ACVR1: variants seen among roughly 807,000 people sequenced by gnomAD.
ACVR1 encodes the protein activin receptor type-1.
In ACVR1, 38 loss-of-function variants were observed where a neutral mutation model predicts 57.1. The ratio of observed to expected loss-of-function variants is 0.67; its 90% CI spans 0.51 to 0.87. ACVR1 has a LOEUF of 0.87. Among genes scored for constraint, ACVR1 ranks in the 40% least tolerant of loss-of-function variants. The pLI, the probability that ACVR1 is intolerant of heterozygous loss-of-function variation, is 0.00. For synonymous variants in ACVR1, 212 were observed against 228.1 expected, an observed-to-expected ratio of 0.93 and a Z score of 0.63; for missense variants, 463 against 638.2, an observed-to-expected ratio of 0.73 and a Z score of 2.96.
chr2:157,784,598 C>T (rs1373497440), intron 3 of ACVR1, among the ~76,000 whole-genome samples: 2 of 152,240 alleles, frequency 1.3e-5, no homozygotes, highest in East Asian at 3.8e-4. Flanking sequence ...TTTGTATCAC[C>T]AGAGCCAGAG....
chr2:157,750,382 C>T (rs1428862607), intron 9 of ACVR1, among the ~76,000 whole-genome samples: 9 of 152,200 alleles, frequency 5.9e-5, no homozygotes, highest in Admixed American at 4.6e-4. Flanking sequence ...CCTGGCTTGC[C>T]GCCACAACCA....
At chr2:157,832,893 C>T (rs1438473614) in intron 1 of ACVR1, among the ~76,000 whole-genome samples, 1 of 152,146 alleles carries the variant, frequency 6.6e-6, no homozygotes, top group Admixed American at 6.5e-5. Flanking sequence ...AAGCAACTTA[C>T]CCGACAATTA....
intron 2 of ACVR1, among the ~76,000 whole-genome samples, chr2:157,805,953 A>G (rs1687515136): frequency 6.7e-6 from 1 of 150,138 alleles, no homozygotes; most frequent in East Asian, 2.0e-4. Context: ...CCCCTCAAGT[A>G]GTGGGGACTA....
At chr2:157,753,039 C>T (rs1452639139) in intron 9 of ACVR1, among the ~76,000 whole-genome samples, 1 of 152,224 alleles carries the variant, frequency 6.6e-6, no homozygotes, top group East Asian at 1.9e-4. Flanking sequence ...AAGAATTCAC[C>T]AAGCAACTAT....
chr2:157,808,930 T>G (rs142202269), intron 2 of ACVR1, among the ~76,000 whole-genome samples: 1 of 150,102 alleles, frequency 6.7e-6, no homozygotes, highest in Non-Finnish European at 1.5e-5. Flanking sequence ...TTAGATGTTA[T>G]CTTTTCAGGA....
At chr2:157,744,377 G>C (rs1684884134) in intron 9 of ACVR1, among the ~76,000 whole-genome samples, 1 of 152,206 alleles carries the variant, frequency 6.6e-6, no homozygotes, top group South Asian at 2.1e-4. Context: ...GTTTCCTTCA[G>C]GTGTGGCACG....
At chr2:157,742,382 A>G (rs2105222926) in intron 9 of ACVR1, among the ~76,000 whole-genome samples, 1 of 152,312 alleles carries the variant, frequency 6.6e-6, no homozygotes, top group South Asian at 2.1e-4. Flanking sequence ...GCGCTCTTAA[A>G]TGGTGGCCAG....
intron 9 of ACVR1, among the ~76,000 whole-genome samples, chr2:157,740,968 G>T (rs1371203534): frequency 1.3e-5 from 2 of 152,166 alleles, no homozygotes; most frequent in African/African-American, 2.4e-5. Flanking sequence ...AAATAAACCT[G>T]GGATTAAGCT....
chr2:157,737,462 G>A lies in ACVR1; in HGVS notation c.*69C>T. The A allele has an allele frequency of 2.5e-6, 4 of 1,586,262 alleles. No individual in the cohort carries two copies. In the South Asian group the frequency reaches 4.5e-5, roughly 18 times the overall value. On this transcript the variant is annotated 3_prime_UTR_variant, in exon 11 of 11. Coordinates refer to ENST00000434821, the MANE Select transcript of ACVR1 (RefSeq NM_001111067.4). ...TGGATTCCATTCTGACAACCAGTCA[G>A]GCCAGCATTAGGTCCCAGCTGGACA...
intron 7 of ACVR1, among the ~76,000 whole-genome samples, chr2:157,766,899 G>C (rs1275586417): frequency 2.0e-5 from 3 of 152,190 alleles, no homozygotes; most frequent in Non-Finnish European, 4.4e-5. Context: ...CATGAGCCCA[G>C]AGCAGGAAAT....
chr2:157,866,263 C>A (rs1689929877), intron 1 of ACVR1, among the ~76,000 whole-genome samples: 1 of 152,022 alleles, frequency 6.6e-6, no homozygotes, highest in South Asian at 2.1e-4. Context: ...GGAAGATTTC[C>A]ATGTACAACA....
At chr2:157,760,536 A>G (rs1012929669) in intron 9 of ACVR1, among the ~76,000 whole-genome samples, 4 of 152,344 alleles carry the variant, frequency 2.6e-5, no homozygotes, top group Non-Finnish European at 2.9e-5. Flanking sequence ...TACATATTAC[A>G]TACATTTATC....
At chr2:157,779,899 C>G (rs1004262737) in intron 4 of ACVR1, among the ~76,000 whole-genome samples, 5 of 152,162 alleles carry the variant, frequency 3.3e-5, no homozygotes, top group South Asian at 4.1e-4. Flanking sequence ...TATCTCCTTC[C>G]TCATAAAACA....
At chr2:157,783,381 C>T (rs1449358887) in intron 3 of ACVR1, among the ~76,000 whole-genome samples, 1 of 152,208 alleles carries the variant, frequency 6.6e-6, no homozygotes, top group Non-Finnish European at 1.5e-5. Flanking sequence ...CCAGACGTGA[C>T]AGCCTCAAGT....
intron 1 of ACVR1, among the ~76,000 whole-genome samples, chr2:157,861,402 C>G (rs1472631412): frequency 1.3e-5 from 2 of 152,116 alleles, no homozygotes; most frequent in South Asian, 4.1e-4. Context: ...TCTGTCAGTT[C>G]GGAGTTGTGT....
intron 9 of ACVR1, among the ~76,000 whole-genome samples, chr2:157,760,628 C>T (rs984451180): frequency 1.3e-5 from 2 of 152,042 alleles, no homozygotes; most frequent in African/African-American, 4.8e-5. Flanking sequence ...GGAACAAATC[C>T]AAAGAAAAAC....
At chr2:157,869,292 C>G (rs893569278) in intron 1 of ACVR1, among the ~76,000 whole-genome samples, 1 of 152,158 alleles carries the variant, frequency 6.6e-6, no homozygotes, top group African/African-American at 2.4e-5. Flanking sequence ...GGGAGAGGGG[C>G]ATAGGGGTAA....
chr2:157,761,826 T>A (rs1685668875), intron 8 of ACVR1, among the ~76,000 whole-genome samples: 1 of 152,224 alleles, frequency 6.6e-6, no homozygotes, highest in Admixed American at 6.5e-5. Context: ...ATGTTACTGA[T>A]GCATATGCAG....
chr2:157,795,401 C>T (rs1385041090), intron 3 of ACVR1, among the ~76,000 whole-genome samples: 2 of 150,970 alleles, frequency 1.3e-5, no homozygotes, highest in Non-Finnish European at 1.5e-5. Flanking sequence ...CACACACACA[C>T]ACACACACAC....
Sources: allele counts gnomAD v4.1 joint callset (sites outside exome capture counted in the v4.1 genomes callset), GRCh38; gene constraint gnomAD v4.1.1; transcripts MANE v1.5; gene names NCBI Gene and HGNC (gene_info 2026-07-23, HGNC 2026-07-21).